The following LCORL variants were observed in gnomAD, a reference collection of about 807,000 sequenced individuals.
LCORL encodes the protein ligand-dependent nuclear receptor corepressor-like protein.
Under a neutral mutation model 141.8 loss-of-function variants are expected in LCORL, and 41 were observed. That is an observed-to-expected ratio of 0.29 (90% confidence interval 0.23 to 0.38). The LOEUF is 0.38. LCORL is among the 10% of genes least tolerant of loss of function. The pLI is 1.00. For synonymous variants in LCORL, 618 were observed against 694.1 expected (o/e 0.89, Z 1.72); for missense variants, 1,759 against 2,035.0 (o/e 0.86, Z 2.61).
At chr4:17,961,822 A>T in intron 4 of LCORL, 81 bp downstream of exon 4, 1 of 1,145,566 alleles carries the variant, frequency 8.7e-7, no homozygotes, top group East Asian at 2.5e-5. Context: ...AGACTGACAT[A>T]TAAAAAACTT....
intron 5 of LCORL, among the ~76,000 whole-genome samples, chr4:17,897,217 T>TCC (rs1730099951): frequency 3.3e-5 from 3 of 89,598 alleles, no homozygotes; most frequent in African/African-American, 7.8e-5. Flanking sequence ...TGATTTCTTT[T>TCC]TTTTTTTTTT....
chr4:17,990,189 C>CCTGG (rs1296422928), intron 1 of LCORL, among the ~76,000 whole-genome samples: 1 of 150,510 alleles, frequency 6.6e-6, no homozygotes, highest in African/African-American at 2.4e-5. Context: ...AGCTCCGCCT[C>CCTGG]CTGGGTTCAC....
At chr4:17,944,848 C>A (rs1738595956) in intron 4 of LCORL, among the ~76,000 whole-genome samples, 1 of 152,066 alleles carries the variant, frequency 6.6e-6, no homozygotes, top group Admixed American at 6.6e-5. Flanking sequence ...AGTTTATAAA[C>A]AACAGAAATT....
intron 4 of LCORL, among the ~76,000 whole-genome samples, chr4:17,938,914 A>G (rs951758949): frequency 1.4e-4 from 21 of 152,176 alleles, no homozygotes; most frequent in African/African-American, 5.1e-4. Context: ...GGAGGGCATC[A>G]GAACTAACAC....
intron 6 of LCORL, among the ~76,000 whole-genome samples, chr4:17,879,665 AG>A (rs1727312473): frequency 6.6e-6 from 1 of 151,006 alleles, no homozygotes; most frequent in Non-Finnish European, 1.5e-5. Context: ...AAGGGCAGGA[AG>A]AAATGGTTAA....
At chr4:17,998,493 T>C (rs2109811212) in intron 1 of LCORL, among the ~76,000 whole-genome samples, 2 of 152,196 alleles carry the variant, frequency 1.3e-5, no homozygotes, top group East Asian at 3.9e-4. Context: ...AATACACACA[T>C]TAGCCTAGGC....
At chr4:17,963,661 T>A (rs969837922) in intron 2 of LCORL, among the ~76,000 whole-genome samples, 8 of 151,944 alleles carry the variant, frequency 5.3e-5, no homozygotes, top group African/African-American at 1.7e-4. Flanking sequence ...TCCAGAAGAA[T>A]ATTCCTTATA....
At chr4:17,857,705 C>T (rs1205692080) in intron 7 of LCORL, among the ~76,000 whole-genome samples, 1 of 152,156 alleles carries the variant, frequency 6.6e-6, no homozygotes, top group Non-Finnish European at 1.5e-5. Flanking sequence ...CACTAGATGC[C>T]AATAGCACCT....
At chr4:17,941,835 T>A (rs139860890) in intron 4 of LCORL, among the ~76,000 whole-genome samples, 3 of 146,162 alleles carry the variant, frequency 2.1e-5, no homozygotes, top group African/African-American at 7.7e-5. Context: ...GAATGCTGAA[T>A]CATTTCCCAT....
chr4:17,869,954 A>T (rs1385030093), intron 7 of LCORL, among the ~76,000 whole-genome samples: 1 of 152,046 alleles, frequency 6.6e-6, no homozygotes, highest in Non-Finnish European at 1.5e-5. Flanking sequence ...TAGATCTCAA[A>T]TCTATTCTTT....
intron 7 of LCORL, among the ~76,000 whole-genome samples, chr4:17,846,146 A>G (rs1242287948): frequency 6.6e-6 from 1 of 152,168 alleles, no homozygotes; most frequent in Non-Finnish European, 1.5e-5. Flanking sequence ...CATTGCATAT[A>G]TGGATTACAT....
At position 18,001,155 on chromosome 4, in the gene LCORL, A is replaced by C. The variant is rs1460023016; in HGVS notation, c.154+20443T>G. On this transcript the variant is annotated intron_variant, in intron 1 of 7. Transcript: ENST00000635767. Reference sequence around the variant, plus strand: ...CACTGCACTCTAGCCTGGGCAACAGAGCGAGACCCTGTCTCATAAACAAAC... The same window carrying C: ...CACTGCACTCTAGCCTGGGCAACAGCGCGAGACCCTGTCTCATAAACAAAC... Among the ~76,000 whole-genome samples, 3 of 152,340 alleles carry C rather than the reference A, an allele frequency of 2.0e-5. No homozygotes were observed. The East Asian group carries it at 5.8e-4, about 29-fold the overall frequency.
chr4:18,003,105 A>G (rs1181055170), intron 1 of LCORL, among the ~76,000 whole-genome samples: 2 of 152,190 alleles, frequency 1.3e-5, no homozygotes, highest in East Asian at 3.8e-4. Flanking sequence ...TGGGGGTGCT[A>G]TAATTTTCCA....
At chr4:18,007,722 A>C (rs892690917) in intron 1 of LCORL, among the ~76,000 whole-genome samples, 4 of 152,216 alleles carry the variant, frequency 2.6e-5, no homozygotes, top group African/African-American at 9.6e-5. Flanking sequence ...TATAAAATAA[A>C]GGCAGCAATT....
chr4:17,921,447 T>C (rs1004488304), intron 4 of LCORL, among the ~76,000 whole-genome samples: 1 of 152,244 alleles, frequency 6.6e-6, no homozygotes, highest in African/African-American at 2.4e-5. Flanking sequence ...AAAAAATGTA[T>C]TTCTTTTATA....
chr4:17,903,532 T>C lies in LCORL; in HGVS notation c.682+5562A>G, dbSNP rs1731178820. ...ATACTTGACACACTAATGTTATTTA[T>C]ATCTGTTTCTTAACTCAATGTACTA... On this transcript the variant is annotated intron_variant, in intron 5 of 7. Coordinates refer to ENST00000635767, the Ensembl canonical transcript of LCORL. 2.0e-5 allele frequency among the ~76,000 whole-genome samples: 3 copies of C among 152,108 alleles called. No individual in the cohort carries two copies. In the South Asian group the frequency reaches 6.2e-4, roughly 31 times the overall value.
At chr4:18,008,155 T>G (rs1723113467) in intron 1 of LCORL, among the ~76,000 whole-genome samples, 1 of 152,196 alleles carries the variant, frequency 6.6e-6, no homozygotes, top group Non-Finnish European at 1.5e-5. Context: ...AGAAGGTAAC[T>G]TTATATCCAG....
chr4:17,938,743 T>C (rs1737323900), intron 4 of LCORL, among the ~76,000 whole-genome samples: 1 of 152,296 alleles, frequency 6.6e-6, no homozygotes, highest in East Asian at 1.9e-4. Context: ...TAATTTATTA[T>C]ACAAAATACT....
At chr4:18,014,319 A>G (rs758943325) in intron 1 of LCORL, among the ~76,000 whole-genome samples, 2 of 152,210 alleles carry the variant, frequency 1.3e-5, no homozygotes, top group African/African-American at 2.4e-5. Flanking sequence ...TGAAAAAAAG[A>G]CAAATGGGAG....
Sources: allele counts gnomAD v4.1 joint callset (sites outside exome capture counted in the v4.1 genomes callset), GRCh38; gene constraint gnomAD v4.1.1; transcripts MANE v1.5; gene names NCBI Gene and HGNC (gene_info 2026-07-23, HGNC 2026-07-21).